AP5Z1: variants seen among roughly 807,000 people sequenced by gnomAD.
AP5Z1 encodes adaptor related protein complex 5 subunit zeta 1.
Under a neutral mutation model 83.0 loss-of-function variants are expected in AP5Z1, and 106 were observed. The ratio of observed to expected loss-of-function variants is 1.28; its 90% confidence interval spans 1.09 to 1.50. AP5Z1 has a LOEUF of 1.50. AP5Z1 is among the 40% of genes most tolerant of loss of function. The pLI, the probability that AP5Z1 is intolerant of heterozygous loss-of-function variation, is 0.00. For missense variants in AP5Z1, 1,565 were observed against 1,094.2 expected (o/e 1.43, Z -6.07); for synonymous variants, 751 against 514.1 (o/e 1.46, Z -6.23).
In AP5Z1 at chr7:4,790,768, A is replaced by G. The variant is rs980853825; in HGVS notation, c.2034A>G (p.Leu678=). The stretch of plus-strand genomic sequence containing the variant: ...TCTTCGAAGCCCTGGAGGCTCTGCT[A>G]TTCGAGGTCACCCAGTGCCGCCCCT... ...NKFFEALEAL[L]FEVTQCRPSA... Residue 678 remains leucine, a synonymous_variant, in exon 16 of 17, where the codon CTA becomes CTG. Coordinates refer to ENST00000649063, the MANE Select transcript of AP5Z1 (RefSeq NM_014855.3). The G allele has an allele frequency of 3.2e-5, 52 of 1,608,850 alleles. No homozygotes were observed. The highest frequency in any genetic ancestry group is 4.2e-5 in the Non-Finnish European group (50 of 1,178,688).
chr7:4,783,494 G>A lies in AP5Z1; in HGVS notation c.511+34G>A, dbSNP rs767952377. 1.8e-4 allele frequency: 282 copies of A among 1,603,450 alleles called. 1 individual carries two copies. Among genetic ancestry groups the A allele is most frequent in the Non-Finnish European group, 2.1e-4 (251 of 1,173,928 alleles). On this transcript the variant is annotated intron_variant, in intron 4 of 16. Transcript: ENST00000649063. ...GGCCCCTCCCAAGAGGCTGTTGGGG[G>A]TCTGCCTTCCCAGGTCCTTCCCTGA...
At chr7:4,777,957 G>T (rs535152143) in intron 1 of AP5Z1, among the ~76,000 whole-genome samples, 14 of 152,370 alleles carry the variant, frequency 9.2e-5, no homozygotes, top group Non-Finnish European at 1.5e-4. Context: ...ACTGGCCCAC[G>T]CCTGTAATCC....
intron 14 of AP5Z1, 48 bp downstream of exon 14, chr7:4,789,977 G>A (rs1202654436): frequency 7.0e-7 from 1 of 1,424,494 alleles, no homozygotes; most frequent in Admixed American, 2.3e-5. Context: ...GGTGCCTCCT[G>A]GACTCCTCCC....
In AP5Z1 at chr7:4,785,665, C is replaced by G. The variant is rs536924379; in HGVS notation, c.1113C>G (p.Ala371=). The stretch of plus-strand genomic sequence containing the variant: ...CTGTGCGGGTGCTGCTGCCCCTCGC[C>G]CACTTCTTCCTGAGCCACGGTGAGC... ...PASVRVLLPL[A]HFFLSHGEAA... Residue 371 remains alanine, a synonymous_variant, in exon 9 of 17, where the codon GCC becomes GCG. Transcript: ENST00000649063. 1.3e-6 allele frequency: 2 copies of G among 1,542,168 alleles called. No homozygotes were observed. Among genetic ancestry groups the G allele is most frequent in the Admixed American group, 1.9e-5 (1 of 53,228 alleles).
At position 4,786,434 on chromosome 7, in the gene AP5Z1, T is replaced by C; in HGVS notation, c.1311+6T>C. ...GCTTCCCCAACCTCTTTAAGGTATA[T>C]TTGGGCATCCCTGGGTGCCAGGGCA... is the stretch of plus-strand genomic sequence containing the variant. On this transcript the variant is annotated splice_donor_region_variant and intron_variant, in intron 10 of 16. Transcript: ENST00000649063. The C allele has an allele frequency of 6.2e-7, 1 of 1,613,386 alleles. No individual in the cohort carries two copies. The highest frequency in any genetic ancestry group is 8.5e-7 in the Non-Finnish European group (1 of 1,179,786).
chr7:4,775,782 C>T (rs1453167703), intron 1 of AP5Z1, 26 bp downstream of exon 1: 3 of 1,600,156 alleles, frequency 1.9e-6, no homozygotes, highest in Non-Finnish European at 2.5e-6. Flanking sequence ...GGCCCCGGCC[C>T]TCCTTCCTGC....
In AP5Z1 at chr7:4,791,496, G is replaced by A; in HGVS notation, c.*111G>A. 2.1e-6 allele frequency: 3 copies of A among 1,439,732 alleles called. No homozygotes were observed. The highest frequency in any genetic ancestry group is 1.4e-5 in the South Asian group (1 of 69,852). 89.2% of individuals were successfully genotyped at this position (1,439,732 alleles called of 1,614,324 possible). A position where few individuals can be genotyped will look rare whatever the true frequency, so the allele number is the denominator to read the frequency against. ...GGGCGCGGGAGTCCTGGGAGAGGAG[G>A]CAAGGCCCACGGTGGGCTTGGCACC... On this transcript the variant is annotated 3_prime_UTR_variant, in exon 17 of 17. Coordinates refer to ENST00000649063, the MANE Select transcript of AP5Z1 (RefSeq NM_014855.3).
At position 4,783,327 on chromosome 7, in the gene AP5Z1, C is replaced by G; in HGVS notation, c.378C>G (p.Asn126Lys). ...ASVLLAQGDR[N>K]EEVRAVGQGV... ...TGTTTGATTTGAAGGGTGACAGAAA[C>G]GAGGAGGTCAGAGCCGTGGGCCAGG... Residue 126 changes from asparagine to lysine, a missense_variant, in exon 4 of 17, where the codon AAC becomes AAG. Transcript: ENST00000649063. 1.2e-6 allele frequency: 2 copies of G among 1,609,002 alleles called. No homozygotes were observed. Among genetic ancestry groups the G allele is most frequent in the Non-Finnish European group, 1.7e-6 (2 of 1,177,526 alleles).
At chr7:4,784,167 G>A (rs1781465334) in intron 5 of AP5Z1, 36 bp from the exon 6 acceptor site, 1 of 1,546,142 alleles carries the variant, frequency 6.5e-7, no homozygotes, top group African/African-American at 1.4e-5. Flanking sequence ...CCCGGCCTCG[G>A]CCCCCTCCGC....
rs1781879503 is a variant in AP5Z1, at chr7:4,794,181, T to C, written c.*2796T>C. ...GTATCTAGTTAATCTGGTGGGGACA[T>C]GGAGAACCTTTGTGTCTAGCTCAGG... On this transcript the variant is annotated 3_prime_UTR_variant, in exon 17 of 17. Transcript: ENST00000649063. The C allele has an allele frequency of 6.6e-6, 1 of 152,180 alleles. No individual in the cohort carries two copies. The highest frequency in any genetic ancestry group is 1.5e-5 in the Non-Finnish European group (1 of 68,070). 9.4% of individuals were successfully genotyped at this position (152,180 alleles called of 1,614,324 possible).
chr7:4,777,005 G>A (rs915783950), intron 1 of AP5Z1, among the ~76,000 whole-genome samples: 1 of 152,136 alleles, frequency 6.6e-6, no homozygotes, highest in African/African-American at 2.4e-5. Context: ...ATTATAGTGA[G>A]TGAGGTCTTG....
rs757374186 is a variant in AP5Z1, at chr7:4,788,173, G to C, written c.1474G>C (p.Glu492Gln). The C allele has an allele frequency of 1.3e-6, 2 of 1,555,724 alleles. No homozygotes were observed. Among genetic ancestry groups the C allele is most frequent in the Non-Finnish European group, 8.7e-7 (1 of 1,150,676 alleles). ...LQLRSAPAAS[E>Q]RPLWDTSLRA... is the part of the protein sequence containing the mutation. ...ACGCAGGTCAGCACCGGCTGCATCC[G>C]AGAGGCCACTCTGGGACACCTCTCT... Residue 492 changes from glutamate to glutamine, a missense_variant, in exon 12 of 17, where the codon GAG becomes CAG. Coordinates refer to ENST00000649063, the MANE Select transcript of AP5Z1 (RefSeq NM_014855.3).
rs769661656 is a variant in AP5Z1 at position 4,785,625 on chromosome 7, G to C, written c.1073G>C (p.Arg358Pro). ...SCLKALHGRV[R>P]GDPASVRVLL... Reference sequence around the variant, plus strand: ...CTGAAGGCCCTGCACGGGCGGGTGCGCGGGGACCCGGCCTCTGTGCGGGTG... The same window carrying C: ...CTGAAGGCCCTGCACGGGCGGGTGCCCGGGGACCCGGCCTCTGTGCGGGTG... Residue 358 changes from arginine to proline, a missense_variant, in exon 9 of 17, where the codon CGC (arginine) becomes CCC (proline). Physicochemically the swap from Arg to Pro is moderately radical, Grantham distance 103. Transcript: ENST00000649063. 1 of 1,574,608 alleles carries C rather than the reference G, an allele frequency of 6.4e-7. No individual in the cohort carries two copies. The highest frequency in any genetic ancestry group is 1.3e-5 in the African/African-American group (1 of 74,370).
At position 4,787,790 on chromosome 7, in the gene AP5Z1, C is replaced by T. The variant is rs1376013530; in HGVS notation, c.1454+14C>T. ...CCTGCAGCTCAGGTGGGCCCCTCAC[C>T]CTCTGCCAGCGCTGCGTCTCCCAGC... On this transcript the variant is annotated intron_variant, in intron 11 of 16. Transcript: ENST00000649063. The T allele has an allele frequency of 7.2e-6, 11 of 1,520,806 alleles. No homozygotes were observed. The highest frequency in any genetic ancestry group is 2.1e-4 in the Middle Eastern group (1 of 4,684). 94.2% of individuals were successfully genotyped at this position (1,520,806 alleles called of 1,614,324 possible).
At chr7:4,782,897 G>A (rs365671) in intron 3 of AP5Z1, among the ~76,000 whole-genome samples, 3,628 of 152,270 alleles carry the variant, frequency 0.024, 68 homozygotes, top group Non-Finnish European at 0.032. Flanking sequence ...CTGCCCTGAC[G>A]GCCCTGCCCC....
chr7:4,784,469 T>C, intron 6 of AP5Z1, 98 bp downstream of exon 6: 1 of 1,403,228 alleles, frequency 7.1e-7, no homozygotes, highest in Non-Finnish European at 9.5e-7. Flanking sequence ...GGGACTCGGG[T>C]GTGCCCAGGA....
chr7:4,775,725 G>A lies in AP5Z1; in HGVS notation c.10G>A (p.Ala4Thr). 1.2e-6 allele frequency: 2 copies of A among 1,606,480 alleles called. No individual in the cohort carries two copies. Among genetic ancestry groups the A allele is most frequent in the Non-Finnish European group, 8.5e-7 (1 of 1,179,714 alleles). ...TGGTGGCGGCGGCGTGATGTTCTCG[G>A]CAGGAGCGGAGAGTTTGCTCCACCA... MFSAGAESLLHQAR... is the reference protein window; with the variant it reads MFSTGAESLLHQAR... Residue 4 changes from alanine (A) to threonine (T), a missense_variant, in exon 1 of 17, where the codon GCA becomes ACA. Coordinates refer to ENST00000649063, the MANE Select transcript of AP5Z1 (RefSeq NM_014855.3).
At position 4,784,170 on chromosome 7, in the gene AP5Z1, C is replaced by T. The variant is rs2115108919; in HGVS notation, c.622-33C>T. ...GCTGGCGTTTTTCCCGGCCTCGGCC[C>T]CCTCCGCCCACTCCTGCCTGTCCTT... On this transcript the variant is annotated intron_variant, in intron 5 of 16. Transcript: ENST00000649063. 3.9e-6 allele frequency: 6 copies of T among 1,551,834 alleles called. No homozygotes were observed. The East Asian group carries it at 7.2e-5, about 19-fold the overall frequency.
In AP5Z1 at chr7:4,781,707, C is replaced by T; in HGVS notation, c.319C>T (p.Gln107Ter). 1 of 1,585,340 alleles carries T rather than the reference C, an allele frequency of 6.3e-7. No individual in the cohort carries two copies. The highest frequency in any genetic ancestry group is 8.6e-7 in the Non-Finnish European group (1 of 1,157,358). Residue 107 changes from glutamine to a stop codon, truncating the protein, a stop_gained, in exon 3 of 17, where the codon CAG becomes TAG. Coordinates refer to ENST00000649063, the MANE Select transcript of AP5Z1 (RefSeq NM_014855.3). LOFTEE classifies it high-confidence loss of function. Reference sequence around the variant, plus strand: ...CCTCAGCCTGGCCTGGGACCACACGCAGAACAGCCGGCAGCTGAGCCTGGT... The same window carrying T: ...CCTCAGCCTGGCCTGGGACCACACGTAGAACAGCCGGCAGCTGAGCCTGGT... ...DSLSLAWDHT[Q>*]NSRQLSLVAS...
Sources: allele counts gnomAD v4.1 joint callset (sites outside exome capture counted in the v4.1 genomes callset), GRCh38; gene constraint gnomAD v4.1.1; transcripts MANE v1.5; gene names NCBI Gene and HGNC (gene_info 2026-07-23, HGNC 2026-07-21).